SRSF4: variants seen among roughly 807,000 people sequenced by gnomAD.
SRSF4 encodes the protein serine/arginine-rich splicing factor 4.
Under a neutral mutation model 48.8 loss-of-function variants are expected in SRSF4, and 12 were observed. The ratio of observed to expected loss-of-function variants is 0.25; its 90% CI spans 0.16 to 0.40. SRSF4 has a LOEUF of 0.40. Ranked by LOEUF, SRSF4 falls within the 10% of genes least tolerant of loss-of-function variation. SRSF4 has a pLI of 1.00. For missense variants in SRSF4, 466 were observed against 667.1 expected (o/e 0.70, Z 3.32); for synonymous variants, 248 against 232.5 (o/e 1.07, Z -0.61).
At chr1:29,152,146 A>AC (rs760750160) in intron 4 of SRSF4, among the ~76,000 whole-genome samples, 10 of 152,266 alleles carry the variant, frequency 6.6e-5, no homozygotes, top group South Asian at 4.1e-4. Context: ...TTGGAATACA[A>AC]CCTAGATATT....
At chr1:29,155,629 C>G (rs1672488762) in intron 3 of SRSF4, among the ~76,000 whole-genome samples, 1 of 152,012 alleles carries the variant, frequency 6.6e-6, no homozygotes, top group Non-Finnish European at 1.5e-5. Flanking sequence ...ACAGCTGGAA[C>G]TGCAGGTCCG....
chr1:29,148,539 T>C lies in SRSF4; in HGVS notation c.1356A>G (p.Pro452=). The part of the protein sequence containing the change: ...SRSRSNSKSK[P]NLPSESRSRS... ...TGGAGCGTGATTCTGATGGAAGGTT[T>C]GGTTTCGATTTGGAATTGGATCTCG... The change falls in exon 6 of 6, where the codon CCA becomes CCG. Residue 452 remains proline, a synonymous_variant. Coordinates refer to ENST00000373795, the MANE Select transcript of SRSF4 (RefSeq NM_005626.5). 1 of 1,614,102 alleles carries C rather than the reference T, an allele frequency of 6.2e-7. No individual in the cohort carries two copies. Among genetic ancestry groups the C allele is most frequent in the Non-Finnish European group, 8.5e-7 (1 of 1,180,006 alleles).
Position 29,155,594 on chromosome 1 carries a change from G to A in SRSF4, c.364-684C>T, listed in dbSNP as rs541865010. Among the ~76,000 whole-genome samples the A allele has an allele frequency of 7.9e-5, 12 of 152,264 alleles. No individual in the cohort carries two copies. In the South Asian group the frequency reaches 1.5e-3, roughly 18 times the overall value. ...TGCAACCTCTGCCTCCCAGGTTCAA[G>A]TGATTCTGTGCCTCAGCCTCCCCAA... On this transcript the variant is annotated intron_variant, in intron 3 of 5. Transcript: ENST00000373795.
intron 4 of SRSF4, among the ~76,000 whole-genome samples, chr1:29,153,183 G>A (rs1406940603): frequency 6.6e-6 from 1 of 152,170 alleles, no homozygotes; most frequent in Non-Finnish European, 1.5e-5. Flanking sequence ...CCAGGCTGGA[G>A]TATAGTGGAG....
At chr1:29,159,532 G>GA (rs768352489) in intron 2 of SRSF4, 46 bp from the exon 3 acceptor site, 51 of 1,398,782 alleles carry the variant, frequency 3.6e-5, no homozygotes, top group South Asian at 1.1e-4. Flanking sequence ...GGAAGAAAAG[G>GA]AAAAAAAATG....
At chr1:29,150,005 G>A (rs942705225) in intron 5 of SRSF4, 98 bp downstream of exon 5, 1 of 1,005,064 alleles carries the variant, frequency 9.9e-7, no homozygotes, top group Non-Finnish European at 1.5e-6. Context: ...TCCAGCTTGG[G>A]TGACAGAGTG....
chr1:29,155,058 T>C, intron 3 of SRSF4, 148 bp from the exon 4 acceptor site: 4 of 722,156 alleles, frequency 5.5e-6, no homozygotes, highest in Non-Finnish European at 8.9e-6. Flanking sequence ...CCATCAATCA[T>C]GTACTGAGGT....
Position 29,181,822 on chromosome 1 carries a change from A to ACGGCGG in SRSF4, c.-76_-71dup. On this transcript the variant is annotated 5_prime_UTR_variant, in exon 1 of 6. Transcript: ENST00000373795. ...AGGCGGCGGCGGGCAAAGCGAGAGC[A>ACGGCGG]CGGCGGCAGCGGCGGCGGCGGCAAC... The ACGGCGG allele has an allele frequency of 1.5e-6, 2 of 1,328,760 alleles. No homozygotes were observed. The highest frequency in any genetic ancestry group is 2.9e-5 in the East Asian group (1 of 34,452). The allele number at this position is 1,328,760 out of a possible 1,614,324, so 82.3% of individuals were successfully genotyped here.
intron 1 of SRSF4, among the ~76,000 whole-genome samples, chr1:29,179,591 T>C (rs980904730): frequency 1.3e-5 from 2 of 152,170 alleles, no homozygotes; most frequent in Non-Finnish European, 2.9e-5. Flanking sequence ...TGAAGTAATC[T>C]TCACACTTCA....
chr1:29,169,730 C>T (rs562799922), intron 1 of SRSF4: 1 of 152,226 alleles, frequency 6.6e-6, no homozygotes, highest in South Asian at 2.1e-4. Flanking sequence ...AAACTCAAGC[C>T]CATGGTATTG....
At chr1:29,159,841 G>GA (rs5773232) in intron 2 of SRSF4, 160,372 of 163,250 alleles carry the variant, frequency 0.98, 78,788 homozygotes, top group Middle Eastern at 1. Flanking sequence ...ATTTTATATG[G>GA]AAAAAAAAAG....
intron 1 of SRSF4, among the ~76,000 whole-genome samples, chr1:29,168,078 C>T (rs533512644): frequency 1.2e-4 from 18 of 150,692 alleles, no homozygotes; most frequent in Non-Finnish European, 2.2e-4. Flanking sequence ...CGCAGCGGCG[C>T]GATCTCCACT....
At position 29,148,931 on chromosome 1, in the gene SRSF4, T is replaced by C. The variant is rs1177241759; in HGVS notation, c.964A>G (p.Ser322Gly). 1.2e-6 allele frequency: 2 copies of C among 1,613,050 alleles called. No homozygotes were observed. The highest frequency in any genetic ancestry group is 1.3e-5 in the African/African-American group (1 of 74,672). Residue 322 changes from serine (S) to glycine (G), a missense_variant, in exon 6 of 6, where the codon AGC (serine) becomes GGC (glycine). By Grantham distance (56) the Ser-to-Gly change is moderately conservative (BLOSUM62 0). Coordinates refer to ENST00000373795, the MANE Select transcript of SRSF4 (RefSeq NM_005626.5). ...EKRGSVSRGR[S>G]QEKSLRQSRS... ...CTCTGGCGGAGGCTCTTCTCCTGGC[T>C]CCTGCCCCTGCTCACACTCCCTCGC...
intron 3 of SRSF4, among the ~76,000 whole-genome samples, chr1:29,158,278 TGAA>T (rs1672532063): frequency 6.6e-6 from 1 of 152,106 alleles, no homozygotes; most frequent in Non-Finnish European, 1.5e-5. Context: ...AAAAACCTTA[TGAA>T]AAAACATGGG....
chr1:29,149,168 T>TGCTCCG lies in SRSF4; in HGVS notation c.721_726dup (p.Arg241_Ser242dup), dbSNP rs1672361645. 2 of 1,608,500 alleles carry TGCTCCG rather than the reference T, an allele frequency of 1.2e-6. No homozygotes were observed. Among genetic ancestry groups the TGCTCCG allele is most frequent in the Non-Finnish European group, 1.7e-6 (2 of 1,176,990 alleles). On this transcript the variant is annotated inframe_insertion, in exon 6 of 6. Transcript: ENST00000373795. Reference sequence around the variant, plus strand: ...CTGGGGCTCCTGCTTTTCTCTTTCTTGCTCCGGCTCCGACTCTGGCTCCGG... The same window carrying TGCTCCG: ...CTGGGGCTCCTGCTTTTCTCTTTCTTGCTCCGGCTCCGGCTCCGACTCTGGCTCCGG...
chr1:29,172,555 G>A (rs1672760259), intron 1 of SRSF4: 1 of 152,254 alleles, frequency 6.6e-6, no homozygotes, highest in Non-Finnish European at 1.5e-5. Flanking sequence ...GCCTCCTAAA[G>A]TGCTGGAATT....
At chr1:29,176,176 C>G (rs1277333528) in intron 1 of SRSF4, among the ~76,000 whole-genome samples, 3 of 151,978 alleles carry the variant, frequency 2.0e-5, no homozygotes, top group Non-Finnish European at 4.4e-5. Context: ...TGCTTGAACC[C>G]AAAAGGCGGA....
intron 1 of SRSF4, chr1:29,172,863 C>CAAA (rs571357889): frequency 6.0e-4 from 90 of 149,474 alleles, no homozygotes; most frequent in African/African-American, 2.1e-3. Flanking sequence ...ATTAGGAGAC[C>CAAA]AAAAAAAAGG....
At chr1:29,180,413 G>A (rs1454941160) in intron 1 of SRSF4, among the ~76,000 whole-genome samples, 1 of 152,182 alleles carries the variant, frequency 6.6e-6, no homozygotes, top group Non-Finnish European at 1.5e-5. Flanking sequence ...GACGTCCTCA[G>A]AAAGAAAACG....
Sources: allele counts gnomAD v4.1 joint callset (sites outside exome capture counted in the v4.1 genomes callset), GRCh38; gene constraint gnomAD v4.1.1; transcripts MANE v1.5; gene names NCBI Gene and HGNC (gene_info 2026-07-23, HGNC 2026-07-21).